Variants in ZNF407 observed in about 807,000 individuals in gnomAD.
ZNF407 encodes the protein zinc finger protein 407.
ZNF407 carries 17 observed loss-of-function variants against 131.2 expected under a neutral mutation model. The observed-to-expected ratio is 0.13, with a 90% confidence interval of 0.09 to 0.19. The LOEUF is 0.19. Among genes scored for constraint, ZNF407 ranks in the 10% least tolerant of loss-of-function variants. The pLI is 1.00. For synonymous variants in ZNF407, 1,156 were observed against 1,062.0 expected, an observed-to-expected ratio of 1.09 and a Z score of -1.72; for missense variants, 2,681 against 2,830.6, an observed-to-expected ratio of 0.95 and a Z score of 1.20.
chr18:74,945,688 C>T (rs780635262), intron 8 of ZNF407, among the ~76,000 whole-genome samples: 21 of 152,146 alleles, frequency 1.4e-4, no homozygotes, highest in Admixed American at 1.4e-3. Flanking sequence ...ATATCAGTGT[C>T]GAATGAACCT....
At chr18:74,866,818 CATTAT>C (rs1218754636) in intron 4 of ZNF407, among the ~76,000 whole-genome samples, 3 of 144,260 alleles carry the variant, frequency 2.1e-5, no homozygotes, top group Non-Finnish European at 3.0e-5. Context: ...TTATTTTATT[CATTAT>C]ATTATTTTAT....
rs367672852 is a variant in ZNF407 at position 74,796,465 on chromosome 18, A to G, written c.4877+14963A>G. Among the ~76,000 whole-genome samples the G allele has an allele frequency of 1.0e-3, 155 of 152,326 alleles. 5 individuals are homozygous for G. The South Asian group carries it at 0.031, about 30-fold the overall frequency. On this transcript the variant is annotated intron_variant, in intron 4 of 8. Transcript: ENST00000299687. Reference sequence around the variant, plus strand: ...TTGAGATCCCAAGCTGCATTTTTCTATATAGCAGAGATGTGTCACACGAGG... The same window carrying G: ...TTGAGATCCCAAGCTGCATTTTTCTGTATAGCAGAGATGTGTCACACGAGG...
At chr18:74,643,835 G>A (rs1984836899) in intron 3 of ZNF407, among the ~76,000 whole-genome samples, 1 of 151,920 alleles carries the variant, frequency 6.6e-6, no homozygotes. Context: ...TTAAAGTTTT[G>A]TATAAGTTGT....
chr18:74,646,622 T>G (rs1452129263), intron 3 of ZNF407, among the ~76,000 whole-genome samples: 1 of 152,202 alleles, frequency 6.6e-6, no homozygotes, highest in Non-Finnish European at 1.5e-5. Context: ...TTAGAATCCT[T>G]GAGATACCTT....
At chr18:74,979,951 C>T (rs1972569801) in intron 8 of ZNF407, among the ~76,000 whole-genome samples, 1 of 152,080 alleles carries the variant, frequency 6.6e-6, no homozygotes, top group Non-Finnish European at 1.5e-5. Context: ...ATTGTTTTAA[C>T]TCTAAGTGTT....
chr18:74,799,834 CATGTTTTAG>C, intron 4 of ZNF407, among the ~76,000 whole-genome samples: 1 of 149,110 alleles, frequency 6.7e-6, no homozygotes, highest in Middle Eastern at 3.5e-3. Context: ...CATATTCAAA[CATGTTTTAG>C]ATGTATTTGT....
chr18:74,637,206 A>G (rs1027743650), intron 2 of ZNF407, among the ~76,000 whole-genome samples: 1 of 152,234 alleles, frequency 6.6e-6, no homozygotes, highest in Non-Finnish European at 1.5e-5. Context: ...TAGGCATTTC[A>G]GCACTTAATT....
intron 8 of ZNF407, among the ~76,000 whole-genome samples, chr18:74,922,257 C>T (rs1971856078): frequency 6.6e-6 from 1 of 152,160 alleles, no homozygotes; most frequent in Non-Finnish European, 1.5e-5. Flanking sequence ...ACCAGAAACA[C>T]CACCTGTGAA....
rs116074323 is a variant in ZNF407, at chr18:74,655,629, G to T, written c.4802+14507G>T. 6.0e-3 allele frequency among the ~76,000 whole-genome samples: 909 copies of T among 152,226 alleles called. 10 individuals carry two copies. Among genetic ancestry groups the T allele is most frequent in the Middle Eastern group, 0.031 (9 of 294 alleles). On this transcript the variant is annotated intron_variant, in intron 3 of 8. Coordinates refer to ENST00000299687, the MANE Select transcript of ZNF407 (RefSeq NM_017757.3). ...GCATGCAACAAAAAATTGGAAAGGG[G>T]CTAAACATTTTCCCCTCTCCTCAGA... is the stretch of plus-strand genomic sequence containing the variant.
intron 4 of ZNF407, among the ~76,000 whole-genome samples, chr18:74,788,384 C>G (rs1325378288): frequency 6.6e-6 from 1 of 152,108 alleles, no homozygotes; most frequent in African/African-American, 2.4e-5. Flanking sequence ...TGTGCTTGCT[C>G]TGTTGTAGGA....
At chr18:74,679,708 C>T (rs977395626) in intron 3 of ZNF407, among the ~76,000 whole-genome samples, 1 of 152,202 alleles carries the variant, frequency 6.6e-6, no homozygotes, top group African/African-American at 2.4e-5. Flanking sequence ...TGCATCTCCC[C>T]ATCATATATC....
intron 4 of ZNF407, among the ~76,000 whole-genome samples, chr18:74,867,917 G>A (rs1447095856): frequency 6.6e-6 from 1 of 152,080 alleles, no homozygotes; most frequent in Non-Finnish European, 1.5e-5. Context: ...TTAGTATATT[G>A]TTTAGTATGT....
In ZNF407 at chr18:75,015,276, T is replaced by C. The variant is rs17056163; in HGVS notation, c.5429-47874T>C. On this transcript the variant is annotated intron_variant, in intron 8 of 8. Transcript: ENST00000299687. Reference sequence around the variant, plus strand: ...TAGTAATTTGATTAAGTCTGTACCATGTGTAAAATTACTCTCAGCAGTCAG... The same window carrying C: ...TAGTAATTTGATTAAGTCTGTACCACGTGTAAAATTACTCTCAGCAGTCAG... Among the ~76,000 whole-genome samples the C allele has an allele frequency of 4.9e-3, 740 of 152,050 alleles. 9 individuals are homozygous for C. The highest frequency in any genetic ancestry group is 0.017 in the African/African-American group (686 of 41,516).
At chr18:74,910,030 G>A (rs895758801) in intron 7 of ZNF407, among the ~76,000 whole-genome samples, 7 of 152,142 alleles carry the variant, frequency 4.6e-5, no homozygotes, top group African/African-American at 1.4e-4. Flanking sequence ...TACTCTTGGA[G>A]AACAAATGGA....
chr18:74,622,924 CTG>C (rs1394385377), intron 1 of ZNF407, among the ~76,000 whole-genome samples: 5 of 151,594 alleles, frequency 3.3e-5, no homozygotes, highest in East Asian at 1.9e-4. Context: ...ATGTCAGTAT[CTG>C]TGAATGTGTG....
At chr18:74,989,289 G>T (rs1972690135) in intron 8 of ZNF407, among the ~76,000 whole-genome samples, 1 of 152,194 alleles carries the variant, frequency 6.6e-6, no homozygotes, top group Admixed American at 6.5e-5. Context: ...TGATTGACAG[G>T]ATGTGGGAGG....
chr18:74,600,655 C>T (rs562588815), intron 1 of ZNF407, among the ~76,000 whole-genome samples: 1 of 152,114 alleles, frequency 6.6e-6, no homozygotes, highest in African/African-American at 2.4e-5. Flanking sequence ...GAGGGAATGG[C>T]GACCAGAGAA....
intron 3 of ZNF407, among the ~76,000 whole-genome samples, chr18:74,763,196 C>T (rs1216497166): frequency 0.012 from 212 of 17,776 alleles, no homozygotes; most frequent in Admixed American, 0.04. Context: ...TTCTTAGGAC[C>T]TTTTTTTTTT....
At chr18:74,945,375 T>C (rs1273787237) in intron 8 of ZNF407, among the ~76,000 whole-genome samples, 1 of 152,208 alleles carries the variant, frequency 6.6e-6, no homozygotes, top group African/African-American at 2.4e-5. Flanking sequence ...TGTTGATGTT[T>C]CTTCCAGCAA....
Sources: allele counts gnomAD v4.1 joint callset (sites outside exome capture counted in the v4.1 genomes callset), GRCh38; gene constraint gnomAD v4.1.1; transcripts MANE v1.5; gene names NCBI Gene and HGNC (gene_info 2026-07-23, HGNC 2026-07-21).